Variants in ANKRD36 observed in about 807,000 individuals in gnomAD.
ANKRD36 encodes ankyrin repeat domain 36, also known as ankyrin repeat domain-containing protein 36A.
ANKRD36 carries 179 observed loss-of-function variants against 278.1 expected under a neutral mutation model. That is an observed-to-expected ratio of 0.64 (90% CI 0.57 to 0.73). The LOEUF (loss-of-function observed/expected upper bound fraction) is 0.73. ANKRD36 is among the 30% of genes least tolerant of loss of function. ANKRD36 has a pLI of 0.00. For missense variants in ANKRD36, 1,159 were observed against 1,956.7 expected (o/e 0.59, Z 7.69); for synonymous variants, 320 against 641.1 (o/e 0.50, Z 7.57).
In ANKRD36 at chr2:97,204,141, C is replaced by A. The variant is rs537113999; in HGVS notation, c.2988+45C>A. 1.5e-4 allele frequency: 229 copies of A among 1,571,322 alleles called. 3 individuals are homozygous for A. The East Asian group carries it at 5.3e-3, about 36-fold the overall frequency. On this transcript the variant is annotated intron_variant, in intron 49 of 75. Coordinates refer to ENST00000420699, the MANE Select transcript of ANKRD36 (RefSeq NM_001354587.1). The stretch of plus-strand genomic sequence containing the variant: ...TATTGTGAACTAGTAAATGTATAGT[C>A]TACGAAACATACTTTATTAATTTAT...
At position 97,185,332 on chromosome 2, in the gene ANKRD36, A is replaced by G. The variant is rs11164115; in HGVS notation, c.1956A>G (p.Gln652=). 1,125,057 of 1,602,970 alleles carry G rather than the reference A, an allele frequency of 0.7. 422,173 individuals carry two copies. Among genetic ancestry groups the G allele is most frequent in the Non-Finnish European group, 0.79 (920,154 of 1,171,450 alleles). ...GKSGTVSSQK[Q]PASKATSDKT... is the part of the protein sequence containing the mutation. ...GCTTTTCAGTGTCTTCTCAGAAACA[A>G]CCAGCCTCAAAGGTAATTAAACTCT... The change falls in exon 29 of 76, where the codon CAA becomes CAG. Residue 652 remains glutamine (Q), a synonymous_variant. Coordinates refer to ENST00000420699, the MANE Select transcript of ANKRD36 (RefSeq NM_001354587.1).
At chr2:97,179,958 G>T in intron 24 of ANKRD36, 25 bp downstream of exon 24, 1 of 1,603,186 alleles carries the variant, frequency 6.2e-7, no homozygotes, top group Non-Finnish European at 8.5e-7. Flanking sequence ...CACATCTAAT[G>T]TCATGTTCAA....
chr2:97,220,729 C>CT, intron 66 of ANKRD36, among the ~76,000 whole-genome samples: 21,993 of 65,802 alleles, frequency 0.33, 2,711 homozygotes, highest in South Asian at 0.51. Flanking sequence ...GATTTTCTTG[C>CT]TTTTTTTTTT....
intron 12 of ANKRD36, 110 bp downstream of exon 12, chr2:97,149,471 T>G (rs965985165): frequency 3.4e-6 from 3 of 894,948 alleles, no homozygotes; most frequent in Non-Finnish European, 4.7e-6. Context: ...ATGTTACTAT[T>G]AAAACTTTTA....
intron 22 of ANKRD36, among the ~76,000 whole-genome samples, chr2:97,170,383 C>A (rs189926688): frequency 6.6e-6 from 1 of 151,918 alleles, no homozygotes; most frequent in African/African-American, 2.4e-5. Context: ...CAGAACAGAG[C>A]CCTCAGAAAT....
At chr2:97,183,851 A>C (rs977970469) in intron 28 of ANKRD36, among the ~76,000 whole-genome samples, 197 bp downstream of exon 28, 1 of 151,644 alleles carries the variant, frequency 6.6e-6, no homozygotes, top group Non-Finnish European at 1.5e-5. Flanking sequence ...AAGCTTGTAG[A>C]GTTCCCTACA....
rs753748581 is a variant in ANKRD36, at chr2:97,179,922, T to C, written c.1724T>C (p.Ile575Thr). The C allele has an allele frequency of 6.2e-6, 10 of 1,605,540 alleles. No homozygotes were observed. Among genetic ancestry groups the C allele is most frequent in the African/African-American group, 2.7e-5 (2 of 74,700 alleles). Reference sequence around the variant, plus strand: ...GCCACAGAAATAAAGGAGGGACCAATATCTGGGACAGGTAATTTTGCAAAA... The same window carrying C: ...GCCACAGAAATAAAGGAGGGACCAACATCTGGGACAGGTAATTTTGCAAAA... ...NIATEIKEGPISGTVSSQKQP... is the reference protein window; with the variant it reads ...NIATEIKEGPTSGTVSSQKQP... Residue 575 changes from isoleucine to threonine, a missense_variant, in exon 24 of 76, where the codon ATA becomes ACA. By Grantham distance (89) the Ile-to-Thr change is moderately conservative (BLOSUM62 -1). Transcript: ENST00000420699.
At chr2:97,201,163 C>T (rs1477331513) in intron 46 of ANKRD36, among the ~76,000 whole-genome samples, 1 of 151,894 alleles carries the variant, frequency 6.6e-6, no homozygotes, top group Admixed American at 6.6e-5. Flanking sequence ...CATAAAAACA[C>T]AATAACTCAT....
intron 32 of ANKRD36, among the ~76,000 whole-genome samples, chr2:97,188,431 C>T (rs1048861525): frequency 4.0e-5 from 6 of 151,548 alleles, no homozygotes; most frequent in South Asian, 2.1e-4. Flanking sequence ...TTTGGTGCCA[C>T]GACTGGATGA....
chr2:97,132,582 C>T (rs2040448737), intron 6 of ANKRD36, among the ~76,000 whole-genome samples: 1 of 151,844 alleles, frequency 6.6e-6, no homozygotes, highest in Non-Finnish European at 1.5e-5. Context: ...GCCTTCTGAT[C>T]GTAGTCACAG....
chr2:97,191,242 C>G, intron 36 of ANKRD36, 61 bp downstream of exon 36: 1 of 1,479,540 alleles, frequency 6.8e-7, no homozygotes, highest in Non-Finnish European at 9.1e-7. Flanking sequence ...ATTTCTCTTT[C>G]CTGAATGAAT....
chr2:97,203,289 G>C (rs1295078777), intron 48 of ANKRD36, among the ~76,000 whole-genome samples: 5 of 151,830 alleles, frequency 3.3e-5, no homozygotes, highest in African/African-American at 9.7e-5. Flanking sequence ...GGGTATTGCA[G>C]TGATTTCTGA....
chr2:97,129,249 T>G (rs1250579040), intron 6 of ANKRD36, among the ~76,000 whole-genome samples: 3 of 152,074 alleles, frequency 2.0e-5, no homozygotes, highest in Non-Finnish European at 4.4e-5. Flanking sequence ...TTTCATGTTT[T>G]TTGGCTGAAT....
chr2:97,154,366 C>G lies in ANKRD36; in HGVS notation c.1194-309C>G, dbSNP rs1366491216. Reference sequence around the variant, plus strand: ...CTTTAGGGTAGATAATTTATAAGGACAAATTATTGTCTGGCTGTGCCATTA... The same window carrying G: ...CTTTAGGGTAGATAATTTATAAGGAGAAATTATTGTCTGGCTGTGCCATTA... On this transcript the variant is annotated intron_variant, in intron 14 of 75. Transcript: ENST00000420699. 2.7e-5 allele frequency among the ~76,000 whole-genome samples: 4 copies of G among 148,566 alleles called. No homozygotes were observed. In the South Asian group the frequency reaches 8.3e-4, roughly 31 times the overall value.
chr2:97,207,437 G>T (rs1181291564), intron 52 of ANKRD36, among the ~76,000 whole-genome samples: 1 of 151,496 alleles, frequency 6.6e-6, no homozygotes, highest in Non-Finnish European at 1.5e-5. Flanking sequence ...TTTCCTGCAT[G>T]AAAGACATGT....
intron 4 of ANKRD36, among the ~76,000 whole-genome samples, chr2:97,123,957 T>TTATATATATATA (rs58038395): frequency 2.0e-4 from 28 of 141,802 alleles, no homozygotes; most frequent in African/African-American, 2.0e-4. Flanking sequence ...TCCTCCATAT[T>TTATATATATATA]TATATATATA....
intron 67 of ANKRD36, among the ~76,000 whole-genome samples, chr2:97,225,625 T>A (rs1311249104): frequency 6.6e-6 from 1 of 152,128 alleles, no homozygotes; most frequent in African/African-American, 2.4e-5. Flanking sequence ...TTTTCTTTTT[T>A]TATTTTATTA....
chr2:97,198,431 A>G lies in ANKRD36; in HGVS notation c.2654-32A>G, dbSNP rs10173060. 5.4e-5 allele frequency: 84 copies of G among 1,569,820 alleles called. No homozygotes were observed. The African/African-American group carries it at 1.1e-3, about 21-fold the overall frequency. ...ATGGATAATTTTGTCGTTTTTACATATGAGTGATTATGAATCCCTTTTACT... is the reference window on the plus strand; with the variant it reads ...ATGGATAATTTTGTCGTTTTTACATGTGAGTGATTATGAATCCCTTTTACT... On this transcript the variant is annotated intron_variant, in intron 42 of 75. Transcript: ENST00000420699.
intron 50 of ANKRD36, 126 bp downstream of exon 50, chr2:97,204,389 A>G (rs1186177828): frequency 1.6e-6 from 2 of 1,230,628 alleles, no homozygotes; most frequent in African/African-American, 3.3e-5. Context: ...GAGATTCTTC[A>G]TTTCAAATAA....
Sources: allele counts gnomAD v4.1 joint callset (sites outside exome capture counted in the v4.1 genomes callset), GRCh38; gene constraint gnomAD v4.1.1; transcripts MANE v1.5; gene names NCBI Gene and HGNC (gene_info 2026-07-23, HGNC 2026-07-21).